The following CTNNA3 variants were observed in gnomAD, a reference collection of about 807,000 sequenced individuals.
The protein encoded by CTNNA3 is catenin alpha-3.
CTNNA3 carries 76 observed loss-of-function variants against 95.7 expected under a neutral mutation model. The observed-to-expected ratio is 0.79, with a 90% CI of 0.66 to 0.96. The LOEUF (loss-of-function observed/expected upper bound fraction) is 0.96, where lower values mean the gene tolerates loss of function less well. CTNNA3 is among the 40% of genes least tolerant of loss of function. The pLI, the probability that CTNNA3 is intolerant of heterozygous loss-of-function variation, is 0.00. For missense variants in CTNNA3, 1,191 were observed against 1,089.8 expected, an observed-to-expected ratio of 1.09 and a Z score of -1.31; for synonymous variants, 431 against 374.4, an observed-to-expected ratio of 1.15 and a Z score of -1.74.
At chr10:67,280,933 T>C (rs1311843859) in intron 5 of CTNNA3, among the ~76,000 whole-genome samples, 1 of 152,176 alleles carries the variant, frequency 6.6e-6, no homozygotes. Context: ...CTTTTTCTCC[T>C]GTTAATCTGT....
chr10:67,563,235 A>C (rs1451633251), intron 3 of CTNNA3, among the ~76,000 whole-genome samples: 1 of 152,212 alleles, frequency 6.6e-6, no homozygotes, highest in Non-Finnish European at 1.5e-5. Flanking sequence ...CCTGACTTCA[A>C]ACTATACTAC....
chr10:66,662,980 C>T (rs915836750), intron 9 of CTNNA3, among the ~76,000 whole-genome samples: 3 of 152,082 alleles, frequency 2.0e-5, no homozygotes, highest in Non-Finnish European at 4.4e-5. Context: ...GAACCCACTC[C>T]AGTCAAGATT....
At chr10:67,419,093 T>C (rs932913602) in intron 5 of CTNNA3, among the ~76,000 whole-genome samples, 1 of 152,194 alleles carries the variant, frequency 6.6e-6, no homozygotes. Flanking sequence ...AGGTTCTTCA[T>C]GAACTGTGCC....
intron 10 of CTNNA3, among the ~76,000 whole-genome samples, chr10:66,587,282 T>C (rs1381821817): frequency 6.6e-6 from 1 of 152,158 alleles, no homozygotes; most frequent in Non-Finnish European, 1.5e-5. Flanking sequence ...TGGGTTATTG[T>C]TTATGCAGAT....
chr10:66,471,950 A>T (rs970292508), intron 11 of CTNNA3, among the ~76,000 whole-genome samples: 1 of 152,002 alleles, frequency 6.6e-6, no homozygotes, highest in Admixed American at 6.6e-5. Context: ...TATGGGTTAG[A>T]CTTTTGTTTC....
Position 66,363,045 on chromosome 10 carries a change from G to A in CTNNA3, c.1732+16107C>T, listed in dbSNP as rs910969959. On this transcript the variant is annotated intron_variant, in intron 12 of 17. Coordinates refer to ENST00000433211, the MANE Select transcript of CTNNA3 (RefSeq NM_013266.4). The stretch of plus-strand genomic sequence containing the variant: ...ATTTTTCTTTTGGTATAAAATACAC[G>A]GTTTCTTCTACCATTGTATTCCTTA... Among the ~76,000 whole-genome samples the A allele has an allele frequency of 1.5e-4, 23 of 152,086 alleles. No homozygotes were observed. In the South Asian group the frequency reaches 1.7e-3, roughly 11 times the overall value.
intron 13 of CTNNA3, among the ~76,000 whole-genome samples, chr10:66,112,016 G>A (rs7903907): frequency 0.63 from 95,404 of 152,090 alleles, 30,659 homozygotes; most frequent in South Asian, 0.76. Context: ...TAATAAGGCT[G>A]TGACAAACAT....
At chr10:66,164,014 G>A (rs1270031816) in intron 13 of CTNNA3, among the ~76,000 whole-genome samples, 1 of 152,120 alleles carries the variant, frequency 6.6e-6, no homozygotes, top group Non-Finnish European at 1.5e-5. Context: ...ATGGGAGAAA[G>A]CATAAAAATT....
At chr10:66,279,993 T>C (rs2091465504) in intron 13 of CTNNA3, among the ~76,000 whole-genome samples, 1 of 151,984 alleles carries the variant, frequency 6.6e-6, no homozygotes, top group South Asian at 2.1e-4. Flanking sequence ...GTGTTTGTTG[T>C]TGCCAGCAAC....
At chr10:66,750,303 T>C (rs899669852) in intron 9 of CTNNA3, among the ~76,000 whole-genome samples, 2 of 152,236 alleles carry the variant, frequency 1.3e-5, no homozygotes, top group Admixed American at 1.3e-4. Flanking sequence ...CTCAAAATCA[T>C]CTAGATTTTC....
At chr10:67,062,722 A>G (rs1353709180) in intron 7 of CTNNA3, among the ~76,000 whole-genome samples, 1 of 152,184 alleles carries the variant, frequency 6.6e-6, no homozygotes, top group Admixed American at 6.5e-5. Flanking sequence ...CCTGGAAGCT[A>G]CACTCCCAGA....
intron 5 of CTNNA3, among the ~76,000 whole-genome samples, chr10:67,356,568 G>C (rs1023759205): frequency 1.3e-5 from 2 of 151,988 alleles, no homozygotes; most frequent in African/African-American, 4.8e-5. Context: ...ATGGTGATCT[G>C]GACCTCTTTT....
intron 17 of CTNNA3, among the ~76,000 whole-genome samples, chr10:65,962,139 A>G (rs2077858355): frequency 6.6e-6 from 1 of 152,144 alleles, no homozygotes. Flanking sequence ...TGTCTCAGCT[A>G]TTTTTAAAAA....
chr10:66,762,152 C>A (rs894033383), intron 9 of CTNNA3, among the ~76,000 whole-genome samples: 2 of 151,998 alleles, frequency 1.3e-5, no homozygotes, highest in Non-Finnish European at 2.9e-5. Flanking sequence ...ATATTTTTAT[C>A]TTCCTGTTCA....
chr10:66,321,427 T>C (rs2092183807), intron 12 of CTNNA3, among the ~76,000 whole-genome samples: 1 of 152,148 alleles, frequency 6.6e-6, no homozygotes, highest in African/African-American at 2.4e-5. Context: ...TCCTAAGAAG[T>C]AACTTAACTG....
At chr10:66,043,196 T>C (rs1293396760) in intron 15 of CTNNA3, among the ~76,000 whole-genome samples, 3 of 139,488 alleles carry the variant, frequency 2.2e-5, no homozygotes, top group Admixed American at 7.1e-5. Context: ...TACAAAAAGA[T>C]AAATGATTTA....
intron 5 of CTNNA3, among the ~76,000 whole-genome samples, chr10:67,222,169 C>T (rs1203426581): frequency 1.3e-5 from 2 of 152,162 alleles, no homozygotes; most frequent in Non-Finnish European, 2.9e-5. Context: ...AAAATAAACA[C>T]TGTCTGCTAC....
intron 9 of CTNNA3, among the ~76,000 whole-genome samples, chr10:66,723,380 G>A (rs10997364): frequency 0.028 from 4,320 of 152,048 alleles, 188 homozygotes; most frequent in East Asian, 0.22. Flanking sequence ...AATCCTCTAC[G>A]AATGGAAGCA....
At chr10:66,442,984 A>G (rs1344507895) in intron 11 of CTNNA3, among the ~76,000 whole-genome samples, 1 of 152,200 alleles carries the variant, frequency 6.6e-6, no homozygotes, top group Non-Finnish European at 1.5e-5. Flanking sequence ...CAATGGGCTT[A>G]AAAAACAGCA....
Sources: allele counts gnomAD v4.1 joint callset (sites outside exome capture counted in the v4.1 genomes callset), GRCh38; gene constraint gnomAD v4.1.1; transcripts MANE v1.5; gene names NCBI Gene and HGNC (gene_info 2026-07-23, HGNC 2026-07-21).